The following FMN1 variants were observed in gnomAD, a reference collection of about 807,000 sequenced individuals.
The protein encoded by FMN1 is formin-1.
FMN1 carries 110 observed loss-of-function variants against 132.4 expected under a neutral mutation model. That is an observed-to-expected ratio of 0.83 (90% CI 0.71 to 0.97). FMN1 has a LOEUF of 0.97. Among genes scored for constraint, FMN1 ranks in the 50% least tolerant of loss-of-function variants. FMN1 has a pLI of 0.00. For missense variants in FMN1, 1,792 were observed against 1,705.3 expected (o/e 1.05, Z -0.90); for synonymous variants, 722 against 651.7 (o/e 1.11, Z -1.64).
rs187599559 is a variant in FMN1, at chr15:32,827,906, A to G, written c.3929-23574T>C. ...TCCTTTATAGCAGAGGTCCAGAATG[A>G]TGTGACTAACTTAAGAACATGAAGT... is the stretch of plus-strand genomic sequence containing the variant. On this transcript the variant is annotated intron_variant, in intron 17 of 20. Transcript: ENST00000616417. Among the ~76,000 whole-genome samples, 478 of 152,196 alleles carry G rather than the reference A, an allele frequency of 3.1e-3. 3 individuals carry two copies. The highest frequency in any genetic ancestry group is 3.4e-3 in the Non-Finnish European group (229 of 68,006).
At chr15:32,886,855 C>CA (rs1488991074) in intron 16 of FMN1, among the ~76,000 whole-genome samples, 1 of 151,390 alleles carries the variant, frequency 6.6e-6, no homozygotes, top group Non-Finnish European at 1.5e-5. Context: ...CGCTTTATTA[C>CA]AATATTAATC....
chr15:33,065,420 TGG>T (rs2037679778), intron 5 of FMN1, among the ~76,000 whole-genome samples: 1 of 152,200 alleles, frequency 6.6e-6, no homozygotes, highest in Admixed American at 6.5e-5. Context: ...TGTGCATTTA[TGG>T]GAATGTTTAC....
chr15:32,915,799 T>C (rs530223650), intron 10 of FMN1, among the ~76,000 whole-genome samples: 1 of 152,362 alleles, frequency 6.6e-6, no homozygotes, highest in African/African-American at 2.4e-5. Context: ...TTTTTACTTT[T>C]ATCTCCTTCC....
At chr15:33,129,767 C>G (rs1963453024) in intron 4 of FMN1, among the ~76,000 whole-genome samples, 1 of 151,118 alleles carries the variant, frequency 6.6e-6, no homozygotes, top group Non-Finnish European at 1.5e-5. Flanking sequence ...CACCTCTGAC[C>G]AGAAAAGAGT....
rs913980877 is a variant in FMN1 at position 33,032,388 on chromosome 15, T to C, written c.2162-24313A>G. 9.8e-5 allele frequency among the ~76,000 whole-genome samples: 15 copies of C among 152,340 alleles called. No homozygotes were observed. The East Asian group carries it at 1.7e-3, about 18-fold the overall frequency. On this transcript the variant is annotated intron_variant, in intron 6 of 20. Transcript: ENST00000616417. ...ATATTAGCTTAAAGGTTCAAAAACA[T>C]TGAATTTCTTAAATATTATCCATTA...
chr15:32,800,601 C>T (rs2057445292), intron 18 of FMN1, among the ~76,000 whole-genome samples: 1 of 152,180 alleles, frequency 6.6e-6, no homozygotes, highest in African/African-American at 2.4e-5. Flanking sequence ...CCTACAAAGT[C>T]ACAGGACTTT....
intron 6 of FMN1, among the ~76,000 whole-genome samples, chr15:33,021,459 A>C (rs1310398636): frequency 6.6e-6 from 1 of 152,136 alleles, no homozygotes; most frequent in East Asian, 1.9e-4. Context: ...ACACACACAC[A>C]CACAGAGAAA....
At chr15:33,161,742 C>A (rs981142402) in intron 3 of FMN1, among the ~76,000 whole-genome samples, 1 of 151,994 alleles carries the variant, frequency 6.6e-6, no homozygotes, top group Admixed American at 6.5e-5. Flanking sequence ...CACGGTGAAA[C>A]CCCGTCTCCA....
chr15:32,923,251 A>G (rs560209914), intron 10 of FMN1, among the ~76,000 whole-genome samples: 1 of 152,356 alleles, frequency 6.6e-6, no homozygotes, highest in South Asian at 2.1e-4. Context: ...TCACATTAAA[A>G]TAAACTTTTT....
chr15:33,024,223 ATTTTTTTTTTTTT>A (rs555760509), intron 6 of FMN1, among the ~76,000 whole-genome samples: 11 of 88,014 alleles, frequency 1.2e-4, no homozygotes, highest in East Asian at 4.8e-4. Flanking sequence ...CACCTATCAG[ATTTTTTTTTTTTT>A]TTTTTTTTTT....
intron 9 of FMN1, among the ~76,000 whole-genome samples, chr15:32,944,656 G>A (rs1411539019): frequency 1.3e-5 from 2 of 151,874 alleles, no homozygotes; most frequent in Non-Finnish European, 2.9e-5. Context: ...AACGTATTTG[G>A]CACCCCATCC....
At chr15:32,941,276 T>G (rs1425927168) in intron 9 of FMN1, among the ~76,000 whole-genome samples, 1 of 152,196 alleles carries the variant, frequency 6.6e-6, no homozygotes, top group African/African-American at 2.4e-5. Flanking sequence ...AGTGTAAGTA[T>G]TTGTAAGATT....
chr15:32,793,940 G>C (rs2057182990), intron 19 of FMN1, among the ~76,000 whole-genome samples: 1 of 152,164 alleles, frequency 6.6e-6, no homozygotes. Context: ...AATTCCTGTA[G>C]TGTCTACACT....
At chr15:33,134,997 G>A (rs577452735) in intron 4 of FMN1, among the ~76,000 whole-genome samples, 94 of 152,264 alleles carry the variant, frequency 6.2e-4, no homozygotes, top group Non-Finnish European at 1.2e-3. Context: ...GTGAGACTCC[G>A]TCTCAAAAAT....
At chr15:33,079,950 G>C (rs2038382925) in intron 5 of FMN1, among the ~76,000 whole-genome samples, 1 of 152,078 alleles carries the variant, frequency 6.6e-6, no homozygotes, top group Non-Finnish European at 1.5e-5. Context: ...ATAATTTCTT[G>C]ATCACTTATA....
intron 5 of FMN1, among the ~76,000 whole-genome samples, chr15:33,072,744 G>A (rs950568184): frequency 5.3e-5 from 8 of 152,178 alleles, no homozygotes; most frequent in South Asian, 2.1e-4. Context: ...CCAACATGGC[G>A]AAATCCTGTC....
chr15:33,007,192 A>G (rs1030732643), intron 7 of FMN1, among the ~76,000 whole-genome samples: 4 of 152,280 alleles, frequency 2.6e-5, no homozygotes, highest in Admixed American at 6.5e-5. Context: ...TACAATTTCT[A>G]TTCGCAAACT....
rs985664120 is a variant in FMN1, at chr15:32,898,817, G to C, written c.3714+17C>G. 3.2e-6 allele frequency: 5 copies of C among 1,547,508 alleles called. No homozygotes were observed. The highest frequency in any genetic ancestry group is 4.5e-6 in the Non-Finnish European group (5 of 1,123,334). On this transcript the variant is annotated intron_variant, in intron 15 of 20. Coordinates refer to ENST00000616417, the MANE Select transcript of FMN1 (RefSeq NM_001277313.2). ...TGAGTAAGAGGTGAAACTTTTCCACGTAATACCATTTCTTACCTGATCATA... is the reference window on the plus strand; with the variant it reads ...TGAGTAAGAGGTGAAACTTTTCCACCTAATACCATTTCTTACCTGATCATA...
chr15:33,084,461 G>A (rs1190692002), intron 5 of FMN1, among the ~76,000 whole-genome samples: 2 of 152,056 alleles, frequency 1.3e-5, no homozygotes, highest in African/African-American at 4.8e-5. Flanking sequence ...CAGTTTTGTG[G>A]GACCGAATCC....
Sources: allele counts gnomAD v4.1 joint callset (sites outside exome capture counted in the v4.1 genomes callset), GRCh38; gene constraint gnomAD v4.1.1; transcripts MANE v1.5; gene names NCBI Gene and HGNC (gene_info 2026-07-23, HGNC 2026-07-21).